The following TMEM132D variants were observed in gnomAD, a reference collection of about 807,000 sequenced individuals.
TMEM132D encodes the protein mature OL transmembrane protein.
Under a neutral mutation model 62.3 loss-of-function variants are expected in TMEM132D, and 21 were observed. The ratio of observed to expected loss-of-function variants is 0.34; its 90% confidence interval spans 0.24 to 0.49. The LOEUF is 0.49. Ranked by LOEUF, TMEM132D falls within the 20% of genes least tolerant of loss-of-function variation. TMEM132D has a pLI of 0.99. For missense variants in TMEM132D, 1,346 were observed against 1,402.8 expected, an observed-to-expected ratio of 0.96 and a Z score of 0.65; for synonymous variants, 621 against 575.6, an observed-to-expected ratio of 1.08 and a Z score of -1.13.
chr12:129,595,294 G>A (rs1423977912), intron 2 of TMEM132D, among the ~76,000 whole-genome samples: 1 of 152,162 alleles, frequency 6.6e-6, no homozygotes, highest in Admixed American at 6.5e-5. Flanking sequence ...TAGTGCATAC[G>A]TAGACAAGAT....
chr12:129,702,942 T>G (rs746302624), intron 1 of TMEM132D, among the ~76,000 whole-genome samples: 2 of 152,166 alleles, frequency 1.3e-5, no homozygotes, highest in Admixed American at 6.5e-5. Flanking sequence ...TTTATCCCAT[T>G]AAGAGCTCCG....
intron 3 of TMEM132D, among the ~76,000 whole-genome samples, chr12:129,413,316 C>T (rs191610348): frequency 5.3e-4 from 81 of 152,302 alleles, no homozygotes; most frequent in African/African-American, 1.8e-3. Context: ...ACCCTTTTCA[C>T]TTGGCTCTCA....
intron 3 of TMEM132D, among the ~76,000 whole-genome samples, chr12:129,463,397 CAT>C (rs1873749211): frequency 6.6e-6 from 1 of 151,746 alleles, no homozygotes; most frequent in African/African-American, 2.4e-5. Flanking sequence ...TGGCAAAAAA[CAT>C]AAGCAACCCA....
intron 2 of TMEM132D, among the ~76,000 whole-genome samples, chr12:129,676,830 A>G (rs146667642): frequency 2.0e-5 from 3 of 152,082 alleles, no homozygotes; most frequent in Non-Finnish European, 1.5e-5. Context: ...TTTATCATCT[A>G]TCTACCTAAT....
chr12:129,211,475 A>G (rs749238996), intron 4 of TMEM132D, among the ~76,000 whole-genome samples: 26 of 152,218 alleles, frequency 1.7e-4, no homozygotes, highest in Non-Finnish European at 3.7e-4. Context: ...TCTCATGTGA[A>G]ATGTAAAATG....
intron 4 of TMEM132D, among the ~76,000 whole-genome samples, chr12:129,287,769 A>G (rs1232213054): frequency 1.3e-5 from 2 of 152,174 alleles, no homozygotes; most frequent in Non-Finnish European, 2.9e-5. Flanking sequence ...GTGTGTGGCT[A>G]TCTACTTTCC....
chr12:129,350,407 G>A (rs936149448), intron 3 of TMEM132D, among the ~76,000 whole-genome samples: 1 of 152,134 alleles, frequency 6.6e-6, no homozygotes, highest in East Asian at 1.9e-4. Context: ...ATAAATAGTT[G>A]GGTCCACTTA....
chr12:129,743,453 T>C (rs979833475), intron 1 of TMEM132D, among the ~76,000 whole-genome samples: 1 of 152,198 alleles, frequency 6.6e-6, no homozygotes, highest in Non-Finnish European at 1.5e-5. Flanking sequence ...CCCGCCACCA[T>C]GTGAAGAAGA....
At chr12:129,143,474 T>C (rs918674233) in intron 5 of TMEM132D, among the ~76,000 whole-genome samples, 2 of 152,144 alleles carry the variant, frequency 1.3e-5, no homozygotes, top group African/African-American at 4.8e-5. Flanking sequence ...TCTCCCAGCA[T>C]ATGCGGCAGG....
intron 1 of TMEM132D, among the ~76,000 whole-genome samples, chr12:129,746,745 G>A (rs1565971300): frequency 6.6e-6 from 1 of 151,986 alleles, no homozygotes; most frequent in South Asian, 2.1e-4. Context: ...ACAGTGTCAC[G>A]GAAGAGACAC....
intron 2 of TMEM132D, among the ~76,000 whole-genome samples, chr12:129,671,827 AG>A (rs2137200157): frequency 6.6e-6 from 1 of 152,336 alleles, no homozygotes; most frequent in South Asian, 2.1e-4. Context: ...AGAAGGAGAA[AG>A]GAAAACGCAA....
At chr12:129,816,240 A>C (rs1239743277) in intron 1 of TMEM132D, among the ~76,000 whole-genome samples, 1 of 152,242 alleles carries the variant, frequency 6.6e-6, no homozygotes, top group Non-Finnish European at 1.5e-5. Context: ...GTCAGTCAGA[A>C]TGCAAATATT....
intron 1 of TMEM132D, among the ~76,000 whole-genome samples, chr12:129,724,571 G>A (rs1370262286): frequency 6.6e-6 from 1 of 152,146 alleles, no homozygotes; most frequent in Non-Finnish European, 1.5e-5. Flanking sequence ...CGCCCAGGTT[G>A]GAGTACAGTG....
intron 4 of TMEM132D, among the ~76,000 whole-genome samples, chr12:129,295,504 C>G (rs1360157864): frequency 2.0e-5 from 3 of 148,032 alleles, no homozygotes; most frequent in African/African-American, 7.5e-5. Context: ...GATCTCGGCT[C>G]ACTGCAACCT....
intron 3 of TMEM132D, among the ~76,000 whole-genome samples, chr12:129,429,268 C>G (rs907202846): frequency 3.9e-5 from 6 of 152,216 alleles, no homozygotes; most frequent in Non-Finnish European, 7.3e-5. Flanking sequence ...CAGAGTTAGA[C>G]GAGCTGAATC....
rs192720491 is a variant in TMEM132D at position 129,187,171 on chromosome 12, T to C, written c.1443+22349A>G. Among the ~76,000 whole-genome samples the C allele has an allele frequency of 4.5e-4, 69 of 152,182 alleles. No homozygotes were observed. In the Middle Eastern group the frequency reaches 0.014, roughly 30 times the overall value. On this transcript the variant is annotated intron_variant, in intron 5 of 8. Transcript: ENST00000422113. ...CCACCAGAGGGCAATAGAGGAGTCC[T>C]AGGGGGATGGAGGAGCCATAAGATG...
intron 3 of TMEM132D, among the ~76,000 whole-genome samples, chr12:129,396,438 G>C (rs1171950668): frequency 6.6e-6 from 1 of 152,200 alleles, no homozygotes; most frequent in Admixed American, 6.5e-5. Context: ...ACAAACATTT[G>C]TGCAATTTCA....
At chr12:129,541,540 T>C (rs1593058615) in intron 2 of TMEM132D, among the ~76,000 whole-genome samples, 1 of 151,992 alleles carries the variant, frequency 6.6e-6, no homozygotes, top group African/African-American at 2.4e-5. Context: ...CGAGAGAGGG[T>C]AGAGGGACCT....
chr12:129,739,143 C>A (rs934241758), intron 1 of TMEM132D, among the ~76,000 whole-genome samples: 1 of 152,144 alleles, frequency 6.6e-6, no homozygotes, highest in African/African-American at 2.4e-5. Context: ...CACTCTTAGG[C>A]GGTATAGTGA....
Sources: allele counts gnomAD v4.1 joint callset (sites outside exome capture counted in the v4.1 genomes callset), GRCh38; gene constraint gnomAD v4.1.1; transcripts MANE v1.5; gene names NCBI Gene and HGNC (gene_info 2026-07-23, HGNC 2026-07-21).